Variants in C3orf52 observed in about 807,000 individuals in gnomAD.
C3orf52 encodes TPA-induced transmembrane protein.
Under a neutral mutation model 24.8 loss-of-function variants are expected in C3orf52, and 22 were observed. The observed-to-expected ratio is 0.89, with a 90% CI of 0.63 to 1.27. The LOEUF (loss-of-function observed/expected upper bound fraction) is 1.27. C3orf52 is among the 50% of genes most tolerant of loss of function. The pLI is 0.00. For synonymous variants in C3orf52, 93 were observed against 100.2 expected (o/e 0.93, Z 0.43); for missense variants, 265 against 260.7 (o/e 1.02, Z -0.11).
chr3:112,133,038 G>A (rs748219149), downstream of C3orf52: 62 of 1,556,164 alleles, frequency 4.0e-5, no homozygotes, highest in Non-Finnish European at 5.4e-5. Context: ...TCTCTTCCTT[G>A]CTGTATTGTC....
chr3:112,101,530 C>G (rs893943295), intron 2 of C3orf52, among the ~76,000 whole-genome samples: 2 of 152,176 alleles, frequency 1.3e-5, no homozygotes, highest in Non-Finnish European at 2.9e-5. Context: ...GCACAGTGAG[C>G]CCCTCTCATC....
intron 4 of C3orf52, chr3:112,125,252 C>T: frequency 1.3e-6 from 2 of 1,576,646 alleles, no homozygotes; most frequent in African/African-American, 1.3e-5. Context: ...GACATTCTTT[C>T]ATCTGGAGAA....
intron 2 of C3orf52, among the ~76,000 whole-genome samples, chr3:112,099,792 CA>C (rs568384970): frequency 8.1e-4 from 123 of 152,232 alleles, no homozygotes; most frequent in Middle Eastern, 3.4e-3. Context: ...AGATAATGGC[CA>C]AATCTTACCA....
intron 2 of C3orf52, among the ~76,000 whole-genome samples, chr3:112,101,410 G>C (rs879867004): frequency 7.9e-5 from 12 of 152,130 alleles, no homozygotes; most frequent in Non-Finnish European, 1.8e-4. Context: ...TTCAGTACCC[G>C]GGGTTTTCAC....
intron 4 of C3orf52, chr3:112,111,345 T>C (rs575913859): frequency 1.3e-5 from 2 of 152,276 alleles, no homozygotes; most frequent in Non-Finnish European, 2.9e-5. Context: ...CTGCTGCACA[T>C]GGGTGGGAGG....
At chr3:112,119,465 G>A, downstream of C3orf52, 1 of 702,570 alleles carries the variant, frequency 1.4e-6, no homozygotes, top group South Asian at 1.5e-5. Flanking sequence ...ACGTTTTTTT[G>A]TAGGAAGTAG....
chr3:112,136,228 G>A, the C3orf52 span, among the ~76,000 whole-genome samples: 2 of 152,184 alleles, frequency 1.3e-5, no homozygotes, highest in African/African-American at 4.8e-5. Flanking sequence ...GTCATTGTTT[G>A]TCTTGAGAAA....
intron 3 of C3orf52, 137 bp downstream of exon 3, chr3:112,103,102 T>C: frequency 1.4e-6 from 1 of 737,914 alleles, no homozygotes; most frequent in Middle Eastern, 2.5e-4. Context: ...AAAATGATGC[T>C]TATAAATATA....
chr3:112,089,406 TA>T (rs2073858208), intron 1 of C3orf52, among the ~76,000 whole-genome samples: 1 of 151,702 alleles, frequency 6.6e-6, no homozygotes, highest in African/African-American at 2.4e-5. Flanking sequence ...CGCATGCCTG[TA>T]ATCCTAGCTA....
At position 112,116,932 on chromosome 3, in the gene C3orf52, G is replaced by T; in HGVS notation, c.*286G>T. The T allele has an allele frequency of 6.5e-7, 1 of 1,534,022 alleles. No homozygotes were observed. ...GTATGTCCCACTGTTGGAGGTCACT[G>T]GTATTCTGTTTGTTTTTGTTTTGTT... On this transcript the variant is annotated 3_prime_UTR_variant, in exon 6 of 6. Transcript: ENST00000264848.
intron 2 of C3orf52, among the ~76,000 whole-genome samples, chr3:112,099,253 A>G (rs991208149): frequency 5.3e-5 from 8 of 152,280 alleles, no homozygotes; most frequent in Non-Finnish European, 1.0e-4. Context: ...GTAGTTCTTT[A>G]TAGCAGTGTG....
At chr3:112,130,403 T>G, downstream of C3orf52, 4 of 1,547,024 alleles carry the variant, frequency 2.6e-6, no homozygotes, top group Non-Finnish European at 3.6e-6. Flanking sequence ...TTCGTTCTCC[T>G]TGGGCAAGGT....
chr3:112,133,610 C>A (rs1044462362), downstream of C3orf52: 1 of 159,566 alleles, frequency 6.3e-6, no homozygotes, highest in African/African-American at 2.4e-5. Flanking sequence ...TTTGAACAGA[C>A]ATTTCACCAA....
downstream of C3orf52, chr3:112,128,967 T>A (rs187459725): frequency 2.0e-4 from 30 of 152,408 alleles, no homozygotes; most frequent in Non-Finnish European, 4.0e-4. Flanking sequence ...TGAAGTTTCA[T>A]CAGGAGGAGC....
intron 4 of C3orf52, among the ~76,000 whole-genome samples, chr3:112,126,171 GGTT>G (rs746118748): frequency 2.0e-5 from 3 of 152,158 alleles, no homozygotes; most frequent in Non-Finnish European, 2.9e-5. Flanking sequence ...TGGAAATTGA[GGTT>G]CCCTGGGACC....
intron 1 of C3orf52, among the ~76,000 whole-genome samples, chr3:112,087,676 A>G (rs2073842063): frequency 6.6e-6 from 1 of 152,256 alleles, no homozygotes; most frequent in Non-Finnish European, 1.5e-5. Flanking sequence ...TGAATAAAAT[A>G]TGAATGCCAC....
intron 5 of C3orf52, 129 bp downstream of exon 5, chr3:112,113,274 C>A: frequency 1.5e-6 from 1 of 660,458 alleles, no homozygotes; most frequent in Non-Finnish European, 2.6e-6. Context: ...CATTTATTCA[C>A]TCATCCCCTC....
chr3:112,132,685 C>T (rs751269802), downstream of C3orf52: 4 of 987,804 alleles, frequency 4.0e-6, no homozygotes, highest in Non-Finnish European at 3.6e-6. Context: ...TGGCAGGAAG[C>T]TTGCTGTTTA....
intron 1 of C3orf52, among the ~76,000 whole-genome samples, chr3:112,091,989 G>A (rs1412862630): frequency 6.7e-6 from 1 of 148,300 alleles, no homozygotes; most frequent in South Asian, 2.2e-4. Context: ...GGGCGACAGA[G>A]CGAGACTCCA....
Sources: gnomAD v4.1 joint callset for allele counts (sites outside exome capture counted in the v4.1 genomes callset) on GRCh38, gnomAD v4.1.1 for gene constraint, MANE v1.5 for transcripts, NCBI Gene and HGNC (gene_info 2026-07-23, HGNC 2026-07-21) for gene names.